The following C1QTNF3 variants were observed in gnomAD, a reference collection of about 807,000 sequenced individuals.
C1QTNF3 encodes the protein C1q and TNF related 3, also known as complement C1q tumor necrosis factor-related protein 3.
C1QTNF3 carries 26 observed loss-of-function variants against 32.6 expected under a neutral mutation model. That is an observed-to-expected ratio of 0.80 (90% CI 0.58 to 1.11). The LOEUF is 1.11. C1QTNF3 is among the 50% of genes least tolerant of loss of function. The pLI is 0.00. For missense variants in C1QTNF3, 362 were observed against 398.2 expected, an observed-to-expected ratio of 0.91 and a Z score of 0.77; for synonymous variants, 155 against 146.0, an observed-to-expected ratio of 1.06 and a Z score of -0.44.
the C1QTNF3 span, among the ~76,000 whole-genome samples, chr5:34,171,807 T>C: frequency 3.3e-5 from 5 of 152,348 alleles, no homozygotes; most frequent in African/African-American, 1.2e-4. Flanking sequence ...AGCAGCCTAA[T>C]AGTTACATGA....
At chr5:34,098,643 CAG>C in the C1QTNF3 span, among the ~76,000 whole-genome samples, 1 of 150,980 alleles carries the variant, frequency 6.6e-6, no homozygotes. Flanking sequence ...CTCTCACAAT[CAG>C]AGGAGGAGAG....
chr5:34,044,243 AAATT>A (rs1754943476), upstream of C1QTNF3, among the ~76,000 whole-genome samples: 1 of 152,226 alleles, frequency 6.6e-6, no homozygotes, highest in Non-Finnish European at 1.5e-5. Context: ...TCAGGATAAT[AAATT>A]AAGAGAATTT....
chr5:34,209,776 T>C, the C1QTNF3 span, among the ~76,000 whole-genome samples: 11 of 152,242 alleles, frequency 7.2e-5, no homozygotes, highest in South Asian at 8.3e-4. Flanking sequence ...TAATATGTAA[T>C]ACAAGAAATA....
chr5:34,047,193 A>T (rs1755001657), upstream of C1QTNF3, among the ~76,000 whole-genome samples: 3 of 152,258 alleles, frequency 2.0e-5, no homozygotes. Flanking sequence ...ACCTGAGGAC[A>T]TCAGGCTCCT....
chr5:34,115,379 G>C, the C1QTNF3 span, among the ~76,000 whole-genome samples: 15 of 152,128 alleles, frequency 9.9e-5, no homozygotes, highest in African/African-American at 9.7e-5. Flanking sequence ...AGGTACAGTA[G>C]TTTTGAAAAC....
chr5:34,171,249 T>C, the C1QTNF3 span, among the ~76,000 whole-genome samples: 1 of 152,132 alleles, frequency 6.6e-6, no homozygotes, highest in African/African-American at 2.4e-5. Flanking sequence ...TATACTAAAA[T>C]AGAGTTTTCT....
chr5:34,140,880 A>ATC, the C1QTNF3 span, among the ~76,000 whole-genome samples: 471 of 152,322 alleles, frequency 3.1e-3, 5 homozygotes, highest in African/African-American at 0.011. Flanking sequence ...AAACAAATAA[A>ATC]TCAATATGTT....
chr5:34,166,610 G>A, the C1QTNF3 span: 2 of 152,006 alleles, frequency 1.3e-5, no homozygotes, highest in Non-Finnish European at 2.9e-5. Context: ...ATTAGACAAT[G>A]GGTTTATTCA....
intron 4 of C1QTNF3, among the ~76,000 whole-genome samples, chr5:34,028,097 T>G (rs935318763): frequency 1.9e-4 from 29 of 152,228 alleles, no homozygotes; most frequent in Non-Finnish European, 1.0e-4. Context: ...CTCAGCCTCC[T>G]GAGTAGCTGG....
At chr5:34,037,249 G>A (rs918653572) in intron 1 of C1QTNF3, among the ~76,000 whole-genome samples, 4 of 151,980 alleles carry the variant, frequency 2.6e-5, no homozygotes, top group Non-Finnish European at 4.4e-5. Flanking sequence ...ATAATTCAAC[G>A]GTCTTTTGAA....
intron 4 of C1QTNF3, among the ~76,000 whole-genome samples, chr5:34,025,275 C>T (rs1754432569): frequency 6.6e-6 from 1 of 152,172 alleles, no homozygotes; most frequent in African/African-American, 2.4e-5. Context: ...GACACATACA[C>T]ACACATAATT....
the C1QTNF3 span, among the ~76,000 whole-genome samples, chr5:34,048,311 A>AGAGG: frequency 6.6e-6 from 1 of 151,584 alleles, no homozygotes; most frequent in Admixed American, 6.6e-5. Context: ...AGAGAGAGAG[A>AGAGG]GAGAGAGATA....
chr5:34,081,050 C>A, the C1QTNF3 span, among the ~76,000 whole-genome samples: 3 of 151,698 alleles, frequency 2.0e-5, no homozygotes, highest in Non-Finnish European at 4.4e-5. Flanking sequence ...CTGCCTCTTT[C>A]CTTTTGTGAT....
chr5:34,210,945 T>C, the C1QTNF3 span, among the ~76,000 whole-genome samples: 8 of 152,128 alleles, frequency 5.3e-5, no homozygotes, highest in Non-Finnish European at 2.9e-5. Context: ...TATACAACTA[T>C]GTAAACCACT....
At chr5:34,074,375 G>A in the C1QTNF3 span, among the ~76,000 whole-genome samples, 1 of 151,634 alleles carries the variant, frequency 6.6e-6, no homozygotes, top group Non-Finnish European at 1.5e-5. Context: ...TCATATTCAT[G>A]TCTAAACACA....
chr5:34,068,221 A>G, the C1QTNF3 span, among the ~76,000 whole-genome samples: 2 of 152,200 alleles, frequency 1.3e-5, no homozygotes, highest in African/African-American at 4.8e-5. Flanking sequence ...GAAATAGCCA[A>G]CAAAATTGAA....
At chr5:34,139,288 TTAAAAG>T in the C1QTNF3 span, among the ~76,000 whole-genome samples, 1 of 151,964 alleles carries the variant, frequency 6.6e-6, no homozygotes, top group African/African-American at 2.4e-5. Context: ...GTGTGATAAG[TTAAAAG>T]TAAAATATTA....
the C1QTNF3 span, among the ~76,000 whole-genome samples, chr5:34,118,503 G>A: frequency 6.6e-6 from 1 of 152,126 alleles, no homozygotes; most frequent in African/African-American, 2.4e-5. Context: ...ATCTGGGAAT[G>A]TCTTTCTTTT....
At chr5:34,186,488 C>CTTTTTT in the C1QTNF3 span, among the ~76,000 whole-genome samples, 1 of 139,340 alleles carries the variant, frequency 7.2e-6, no homozygotes. Flanking sequence ...TTCTTTCCTC[C>CTTTTTT]TTTTTTTTTT....
Sources: allele counts gnomAD v4.1 joint callset (sites outside exome capture counted in the v4.1 genomes callset), GRCh38; gene constraint gnomAD v4.1.1; transcripts MANE v1.5; gene names NCBI Gene and HGNC (gene_info 2026-07-23, HGNC 2026-07-21).